SYNPO2: variants seen among roughly 807,000 people sequenced by gnomAD.
SYNPO2 encodes synaptopodin-2.
Under a neutral mutation model 85.0 loss-of-function variants are expected in SYNPO2, and 56 were observed. The observed-to-expected ratio is 0.66, with a 90% confidence interval of 0.53 to 0.82. The LOEUF is 0.82. SYNPO2 is among the 40% of genes least tolerant of loss of function. SYNPO2 has a pLI of 0.00. For synonymous variants in SYNPO2, 602 were observed against 591.1 expected, an observed-to-expected ratio of 1.02 and a Z score of -0.27; for missense variants, 1,575 against 1,534.2, an observed-to-expected ratio of 1.03 and a Z score of -0.44.
chr4:118,890,141 A>T (rs1282314248), intron 1 of SYNPO2, among the ~76,000 whole-genome samples: 2 of 145,342 alleles, frequency 1.4e-5, no homozygotes, highest in African/African-American at 5.1e-5. Context: ...TTTTTTTTGT[A>T]GTTATTGTTT....
Position 119,031,505 on chromosome 4 carries a change from T to G in SYNPO2, c.2730T>G (p.Ser910Arg), listed in dbSNP as rs769217024. Residue 910 changes from serine to arginine, a missense_variant, in exon 4 of 5, where the codon AGT (serine) becomes AGG (arginine). Physicochemically the swap from Ser to Arg is moderately radical, Grantham distance 110. Transcript: ENST00000307142. ...CTCCCACTCCATCTCTCCCGGCCAG[T>G]TGGAAGTACTCCTCCAATGTCCGAG... Reference protein sequence around the residue: ...AQSPTPSLPASWKYSSNVRAP... With the variant: ...AQSPTPSLPARWKYSSNVRAP... 2 of 1,614,148 alleles carry G rather than the reference T, an allele frequency of 1.2e-6. No individual in the cohort carries two copies. Among genetic ancestry groups the G allele is most frequent in the Non-Finnish European group, 1.7e-6 (2 of 1,180,018 alleles).
chr4:118,868,292 A>G (rs1731738606), intron 1 of SYNPO2, among the ~76,000 whole-genome samples: 1 of 152,140 alleles, frequency 6.6e-6, no homozygotes, highest in East Asian at 1.9e-4. Flanking sequence ...TGAATGATAT[A>G]CATAAGAAAC....
upstream of SYNPO2, among the ~76,000 whole-genome samples, chr4:118,887,180 T>A (rs765666564): frequency 0.035 from 5,344 of 151,346 alleles, 149 homozygotes; most frequent in Non-Finnish European, 0.046. Flanking sequence ...TGTGTGTGTG[T>A]GTGTGTGTGT....
chr4:119,007,804 T>C (rs777878403), intron 1 of SYNPO2, among the ~76,000 whole-genome samples: 15 of 152,218 alleles, frequency 9.9e-5, no homozygotes, highest in Non-Finnish European at 1.8e-4. Context: ...CATTTACTTA[T>C]ACACTTATAT....
Position 119,018,125 on chromosome 4 carries a change from G to GT in SYNPO2, c.106-5304dup, listed in dbSNP as rs143010818. 2.0e-4 allele frequency among the ~76,000 whole-genome samples: 30 copies of GT among 151,944 alleles called. 1 individual carries two copies. The East Asian group carries it at 5.8e-3, about 29-fold the overall frequency. ...AGTCTTAACTTTCCAATTTCACTTG[G>GT]TGTTGGTAAAACAAATCTTTCCTGG... On this transcript the variant is annotated intron_variant, in intron 1 of 4. Coordinates refer to ENST00000307142, the MANE Select transcript of SYNPO2 (RefSeq NM_133477.3).
At chr4:119,040,556 C>T (rs893866895) in intron 4 of SYNPO2, among the ~76,000 whole-genome samples, 8 of 152,148 alleles carry the variant, frequency 5.3e-5, no homozygotes, top group African/African-American at 1.7e-4. Flanking sequence ...ATAACATCAG[C>T]TTTGAGCCTC....
In SYNPO2 at chr4:119,031,018, G is replaced by A; in HGVS notation, c.2243G>A (p.Ser748Asn). 1.9e-6 allele frequency: 3 copies of A among 1,614,060 alleles called. No individual in the cohort carries two copies. Among genetic ancestry groups the A allele is most frequent in the Non-Finnish European group, 2.5e-6 (3 of 1,180,012 alleles). Residue 748 changes from serine (S) to asparagine (N), a missense_variant, in exon 4 of 5, where the codon AGC becomes AAC. Ser to Asn is a conservative substitution (Grantham distance 46). Around this residue, in one of 3 missense-constraint regions of SYNPO2, gnomAD observed 1,508 missense variants for 1,446.8 expected, o/e 1.04. Transcript: ENST00000307142. ...GCAGAGGCTTGTAATTTCATGCAAA[G>A]CTCCTCTGCCAAACAAAAGACCCCT... ...LGAEACNFMQ[S>N]SSAKQKTPPP...
At chr4:119,049,422 A>G (rs969382075) in intron 4 of SYNPO2, among the ~76,000 whole-genome samples, 2 of 152,066 alleles carry the variant, frequency 1.3e-5, no homozygotes, top group Non-Finnish European at 2.9e-5. Context: ...TTGAAATCAT[A>G]TTTATCAGTT....
In SYNPO2 at chr4:118,871,480, C is replaced by T. The variant is rs116524074; in HGVS notation, c.12+20540C>T. On this transcript the variant is annotated intron_variant, in intron 1 of 4. Transcript: ENST00000610556. ...TGTATTTCTCGTCTGTTCTACCTACCGGAATATGTGCTTGTAGGAGATTTG... is the reference window on the plus strand; with the variant it reads ...TGTATTTCTCGTCTGTTCTACCTACTGGAATATGTGCTTGTAGGAGATTTG... 3.3e-3 allele frequency among the ~76,000 whole-genome samples: 497 copies of T among 152,140 alleles called. 3 individuals are homozygous for T. The highest frequency in any genetic ancestry group is 0.011 in the African/African-American group (472 of 41,494).
chr4:119,042,596 G>A (rs906506966), intron 4 of SYNPO2: 3 of 152,060 alleles, frequency 2.0e-5, no homozygotes, highest in Non-Finnish European at 4.4e-5. Flanking sequence ...AAATAAATAC[G>A]ATTATAAAAT....
intron 1 of SYNPO2, among the ~76,000 whole-genome samples, chr4:118,862,537 G>T (rs567702123): frequency 6.6e-6 from 1 of 152,128 alleles, no homozygotes; most frequent in Admixed American, 6.5e-5. Context: ...TATCATGAAG[G>T]GATGTTGAAT....
At chr4:118,879,668 C>A (rs1198158584) in intron 1 of SYNPO2, among the ~76,000 whole-genome samples, 1 of 152,076 alleles carries the variant, frequency 6.6e-6, no homozygotes, top group Non-Finnish European at 1.5e-5. Context: ...TTATGGCAGT[C>A]CAAAGAGACT....
At chr4:118,913,563 TTGTGTGTG>T (rs10686830) in intron 1 of SYNPO2, among the ~76,000 whole-genome samples, 20 of 147,380 alleles carry the variant, frequency 1.4e-4, no homozygotes, top group East Asian at 2.0e-4. Flanking sequence ...CATTTATTGT[TTGTGTGTG>T]TGTGTGTGTG....
chr4:118,856,821 A>T (rs1239258354), intron 1 of SYNPO2, among the ~76,000 whole-genome samples: 1 of 152,170 alleles, frequency 6.6e-6, no homozygotes, highest in Non-Finnish European at 1.5e-5. Flanking sequence ...TATTTTTAAA[A>T]ATAGTGTTTC....
rs1450748366 is a variant in SYNPO2, at chr4:119,060,648, G to A, written c.*2714G>A. ...TGCTTTGAAAATACATACCACATTT[G>A]TTATAAAGCATTTGTTTGTTAGTAT... On this transcript the variant is annotated 3_prime_UTR_variant, in exon 5 of 5. Transcript: ENST00000307142. 6.6e-6 allele frequency: 1 copy of A among 152,130 alleles called. No homozygotes were observed. Among genetic ancestry groups the A allele is most frequent in the African/African-American group, 2.4e-5 (1 of 41,446 alleles). The allele number at this position is 152,130 out of a possible 1,614,324, so 9.4% of individuals were successfully genotyped here.
At chr4:118,898,743 G>A (rs546327711) in intron 1 of SYNPO2, among the ~76,000 whole-genome samples, 3 of 152,252 alleles carry the variant, frequency 2.0e-5, no homozygotes, top group East Asian at 1.9e-4. Context: ...CGACGGCCCC[G>A]CTGTGGCACA....
chr4:119,023,208 C>T (rs746776026), intron 1 of SYNPO2, among the ~76,000 whole-genome samples: 3 of 152,014 alleles, frequency 2.0e-5, no homozygotes, highest in Admixed American at 6.6e-5. Context: ...TGTTTACTTA[C>T]AATGCTATGA....
intron 1 of SYNPO2, among the ~76,000 whole-genome samples, chr4:118,910,822 C>T (rs928076610): frequency 3.3e-5 from 5 of 152,140 alleles, no homozygotes; most frequent in Non-Finnish European, 5.9e-5. Flanking sequence ...TACCCAACTA[C>T]TTTTCTTTTT....
chr4:118,882,733 C>T (rs1160608446), intron 1 of SYNPO2, among the ~76,000 whole-genome samples: 1 of 151,792 alleles, frequency 6.6e-6, no homozygotes, highest in Non-Finnish European at 1.5e-5. Context: ...TCAAACCACA[C>T]TCACATAAAT....
Sources: gnomAD v4.1 joint callset for allele counts (sites outside exome capture counted in the v4.1 genomes callset) on GRCh38, gnomAD v4.1.1 for gene constraint, gnomAD v4.1.1 regional missense constraint, MANE v1.5 for transcripts, NCBI Gene and HGNC (gene_info 2026-07-23, HGNC 2026-07-21) for gene names.